Variants in FARS2 observed in about 807,000 individuals in gnomAD.
The protein encoded by FARS2 is phenylalanine--tRNA ligase, mitochondrial.
A neutral mutation model predicts 46.4 loss-of-function variants in FARS2; 40 were observed. That is an observed-to-expected ratio of 0.86 (90% CI 0.67 to 1.12). The LOEUF is 1.12. Among genes scored for constraint, FARS2 ranks in the 50% most tolerant of loss-of-function variants. The probability of loss-of-function intolerance (pLI) is 0.00; values close to 1 mark genes in which losing one functional copy is unlikely to be tolerated. For synonymous variants in FARS2, 234 were observed against 214.9 expected, an observed-to-expected ratio of 1.09 and a Z score of -0.78; for missense variants, 513 against 567.9, an observed-to-expected ratio of 0.90 and a Z score of 0.98.
chr6:5,260,617 C>CGCCCCCG (rs1391667164), upstream of FARS2: 2 of 1,491,604 alleles, frequency 1.3e-6, no homozygotes, highest in Middle Eastern at 2.4e-4. Context: ...CCTGGCCCCC[C>CGCCCCCG]GCCCCCGGCC....
intron 5 of FARS2, among the ~76,000 whole-genome samples, chr6:5,569,429 G>T (rs1329561730): frequency 1.3e-5 from 2 of 151,994 alleles, no homozygotes; most frequent in African/African-American, 4.8e-5. Flanking sequence ...TGTGGAGATG[G>T]GGTTTCGCCA....
At chr6:5,596,429 G>A (rs1183238941) in intron 5 of FARS2, among the ~76,000 whole-genome samples, 2 of 152,312 alleles carry the variant, frequency 1.3e-5, no homozygotes, top group Admixed American at 6.5e-5. Flanking sequence ...TCATATGTAG[G>A]TACCAGCATA....
chr6:5,280,878 G>A (rs1371525089), intron 1 of FARS2, among the ~76,000 whole-genome samples: 1 of 152,122 alleles, frequency 6.6e-6, no homozygotes, highest in Admixed American at 6.5e-5. Context: ...GAAGTATGTA[G>A]GGGTAGAAGA....
chr6:5,496,369 C>T (rs529620387), intron 4 of FARS2, among the ~76,000 whole-genome samples: 47 of 152,226 alleles, frequency 3.1e-4, no homozygotes, highest in South Asian at 4.1e-4. Flanking sequence ...ATTTTGTCAT[C>T]GAGAGGGAGG....
intron 1 of FARS2, among the ~76,000 whole-genome samples, chr6:5,341,208 TATATATATATATATATA>T (rs1771560126): frequency 5.6e-4 from 3 of 5,344 alleles, no homozygotes; most frequent in Admixed American, 2.5e-3. Context: ...TATATATATA[TATATATATATATATATA>T]TATATATATA....
In FARS2 at chr6:5,546,128, C is replaced by CA. The variant is rs200442092; in HGVS notation, c.1065+797dup. ...GGGCAAAAATAGCGAAACTCTGTCT[C>CA]AAAAAAAAAGAAGTTCCTAAATAGA... On this transcript the variant is annotated intron_variant, in intron 5 of 6. Transcript: ENST00000274680. Among the ~76,000 whole-genome samples, 632 of 146,692 alleles carry CA rather than the reference C, an allele frequency of 4.3e-3. 4 individuals are homozygous for CA. Among genetic ancestry groups the CA allele is most frequent in the African/African-American group, 0.015 (606 of 39,880 alleles).
At chr6:5,467,063 T>C (rs1765555624) in intron 4 of FARS2, 1 of 985,204 alleles carries the variant, frequency 1.0e-6, no homozygotes, top group East Asian at 1.1e-4. Context: ...CAGCAGTGAA[T>C]TATTCTGTAA....
At chr6:5,750,270 G>C (rs1352730863) in intron 6 of FARS2, among the ~76,000 whole-genome samples, 1 of 152,090 alleles carries the variant, frequency 6.6e-6, no homozygotes, top group Non-Finnish European at 1.5e-5. Flanking sequence ...GGAAGGTCGG[G>C]GGTGGGGCAG....
intron 4 of FARS2, among the ~76,000 whole-genome samples, chr6:5,496,757 C>T (rs895624150): frequency 2.0e-5 from 3 of 152,168 alleles, no homozygotes; most frequent in African/African-American, 7.2e-5. Flanking sequence ...CTCTTAATTA[C>T]CTCTTTAAAG....
At chr6:5,563,289 T>C (rs1582456480) in intron 5 of FARS2, among the ~76,000 whole-genome samples, 1 of 152,142 alleles carries the variant, frequency 6.6e-6, no homozygotes, top group East Asian at 1.9e-4. Context: ...GGCACAATAA[T>C]GTTATATACA....
intron 3 of FARS2, among the ~76,000 whole-genome samples, chr6:5,430,436 T>C (rs1763094843): frequency 6.6e-6 from 1 of 152,172 alleles, no homozygotes; most frequent in African/African-American, 2.4e-5. Context: ...TAGAAATTCA[T>C]TCTGGCATTT....
intron 1 of FARS2, among the ~76,000 whole-genome samples, chr6:5,351,934 A>G (rs1353936927): frequency 6.6e-6 from 1 of 152,268 alleles, no homozygotes; most frequent in East Asian, 1.9e-4. Flanking sequence ...CACTTTTGCT[A>G]TCTCTATAAA....
At chr6:5,666,547 A>G (rs979466839) in intron 6 of FARS2, among the ~76,000 whole-genome samples, 4 of 152,226 alleles carry the variant, frequency 2.6e-5, no homozygotes, top group Non-Finnish European at 4.4e-5. Context: ...GCTGTATACC[A>G]GGCCTACACA....
At chr6:5,654,105 G>C (rs1388912390) in intron 6 of FARS2, among the ~76,000 whole-genome samples, 1 of 152,122 alleles carries the variant, frequency 6.6e-6, no homozygotes, top group East Asian at 1.9e-4. Context: ...CTGACCCTTT[G>C]ACCATGGAAT....
intron 1 of FARS2, among the ~76,000 whole-genome samples, chr6:5,275,601 C>G (rs1766279657): frequency 6.6e-6 from 1 of 152,028 alleles, no homozygotes; most frequent in East Asian, 1.9e-4. Context: ...TTTTAGATTT[C>G]TGCATCTTTC....
intron 6 of FARS2, among the ~76,000 whole-genome samples, chr6:5,640,823 C>T (rs141168253): frequency 3.4e-4 from 52 of 152,294 alleles, no homozygotes; most frequent in Non-Finnish European, 6.2e-4. Flanking sequence ...TTTCTGACAC[C>T]CCACTCCTTG....
chr6:5,275,400 A>G (rs1275301645), intron 1 of FARS2, among the ~76,000 whole-genome samples: 1 of 151,960 alleles, frequency 6.6e-6, no homozygotes, highest in Non-Finnish European at 1.5e-5. Flanking sequence ...AACTTTTTAT[A>G]ATTTAAAATT....
At chr6:5,442,451 T>C (rs1271782208) in intron 4 of FARS2, among the ~76,000 whole-genome samples, 2 of 152,084 alleles carry the variant, frequency 1.3e-5, no homozygotes, top group African/African-American at 4.8e-5. Context: ...TGAGTAGCTT[T>C]AGGTTTCTTT....
intron 5 of FARS2, among the ~76,000 whole-genome samples, chr6:5,557,349 A>AC (rs1771721816): frequency 6.6e-6 from 1 of 152,116 alleles, no homozygotes; most frequent in Non-Finnish European, 1.5e-5. Flanking sequence ...AAGGATGGTG[A>AC]CGGGACCACA....
Sources: allele counts gnomAD v4.1 joint callset (sites outside exome capture counted in the v4.1 genomes callset), GRCh38; gene constraint gnomAD v4.1.1; transcripts MANE v1.5; gene names NCBI Gene and HGNC (gene_info 2026-07-23, HGNC 2026-07-21).